Variants in NR5A1 observed in about 807,000 individuals in gnomAD.
The protein encoded by NR5A1 is nuclear receptor subfamily 5 group A member 1.
Under a neutral mutation model 42.7 loss-of-function variants are expected in NR5A1, and 6 were observed. The observed-to-expected ratio is 0.14, with a 90% CI of 0.08 to 0.28. The LOEUF (loss-of-function observed/expected upper bound fraction) is 0.28, where lower values mean the gene tolerates loss of function less well. NR5A1 is among the 10% of genes least tolerant of loss of function. The pLI is 1.00. For synonymous variants in NR5A1, 274 were observed against 277.5 expected (o/e 0.99, Z 0.12); for missense variants, 442 against 626.4 (o/e 0.71, Z 3.14).
Position 124,501,016 on chromosome 9 carries a change from C to CTT in NR5A1, c.245-303_245-302dup. On this transcript the variant is annotated intron_variant, in intron 3 of 6. Transcript: ENST00000373588. The surrounding 1 kb of genome is among the most constrained non-coding windows in gnomAD (Gnocchi z 4.1). ...CCTTTCATTTTCCTTCTGACTCAAA[C>CTT]TTTTTTTTTTCTCTTGTGCTTGCTG... The CTT allele has an allele frequency of 3.0e-6, 2 of 661,268 alleles. No homozygotes were observed. The highest frequency in any genetic ancestry group is 3.0e-5 in the East Asian group (1 of 32,836). The allele number at this position is 661,268 out of a possible 1,614,324, so 41.0% of individuals were successfully genotyped here. A position where few individuals can be genotyped will look rare whatever the true frequency, so the allele number is the denominator to read the frequency against.
chr9:124,489,221 T>G (rs1832266494), intron 6 of NR5A1, among the ~76,000 whole-genome samples: 1 of 152,228 alleles, frequency 6.6e-6, no homozygotes, highest in Non-Finnish European at 1.5e-5. Flanking sequence ...CAAAGGAGCC[T>G]GCTGGCTGAT....
chr9:124,484,824 G>T (rs2131270937), intron 6 of NR5A1, among the ~76,000 whole-genome samples: 1 of 152,250 alleles, frequency 6.6e-6, no homozygotes. Context: ...GAAGACAGGG[G>T]CAAACAGGAC....
intron 5 of NR5A1, 94 bp from the exon 6 acceptor site, chr9:124,491,322 T>C: frequency 2.0e-6 from 2 of 1,017,134 alleles, no homozygotes; most frequent in Non-Finnish European, 1.4e-6. Context: ...AGGGCATGGA[T>C]TGGAGGTGCA....
chr9:124,506,133 A>G (rs1317050901), intron 1 of NR5A1, among the ~76,000 whole-genome samples: 2 of 152,252 alleles, frequency 1.3e-5, no homozygotes, highest in Non-Finnish European at 2.9e-5. Context: ...AGTTGTGGCC[A>G]GAGAACCCCC....
At position 124,503,580 on chromosome 9, in the gene NR5A1, G is replaced by C. The variant is rs117220282; in HGVS notation, c.-15-170C>G. ...CCGCGCAGCGTCCCGGGGTGGGTCC[G>C]GTGCAGTCCCCGCGCCCGGCCTTCC... On this transcript the variant is annotated intron_variant, in intron 1 of 6. Coordinates refer to ENST00000373588, the MANE Select transcript of NR5A1 (RefSeq NM_004959.5). This position sits in a 1 kb window ranked among gnomAD's most constrained non-coding sequence, Gnocchi z 9.6. Among the ~76,000 whole-genome samples the C allele has an allele frequency of 0.02, 3,104 of 152,010 alleles. 72 individuals carry two copies. The highest frequency in any genetic ancestry group is 0.12 in the East Asian group (641 of 5,136).
rs376707580 is a variant in NR5A1, at chr9:124,493,096, G to A, written c.924C>T (p.Phe308=). The A allele has an allele frequency of 9.9e-5, 160 of 1,611,730 alleles. 2 individuals carry two copies. Among genetic ancestry groups the A allele is most frequent in the South Asian group, 7.2e-4 (65 of 90,848 alleles). ...GCTGGACCTGGCGGTAGATGTGGTC[G>A]AACACCAGCAGCTCGCTCCAGCAGT... ...LQNCWSELLV[F]DHIYRQVQHG... The change falls in exon 5 of 7, where the codon TTC becomes TTT. Residue 308 remains phenylalanine, a synonymous_variant. Transcript: ENST00000373588.
intron 4 of NR5A1, 29 bp from the exon 5 acceptor site, chr9:124,493,178 G>A (rs757235209): frequency 1.2e-6 from 2 of 1,602,664 alleles, no homozygotes; most frequent in Non-Finnish European, 1.7e-6. Context: ...CGGGGGGCCG[G>A]GCTCCAGCCA....
chr9:124,500,407 A>G lies in NR5A1; in HGVS notation c.553T>C (p.Tyr185His), dbSNP rs998601996. The change falls in exon 4 of 7, where the codon TAC (tyrosine) becomes CAC (histidine). Residue 185 changes from tyrosine to histidine, a missense_variant. Around this residue, in one of 3 missense-constraint regions of NR5A1, gnomAD observed 208 missense variants for 203.8 expected, o/e 1.02. Transcript: ENST00000373588. The surrounding 1 kb of genome is among the most constrained non-coding windows in gnomAD (Gnocchi z 6.9). ...ATGGCACGGCCAGGAAAGGCAGGGT[A>G]GAGGTAGCCAGCCAGTGGCCCGTGG... ...GAHGPLAGYL[Y>H]PAFPGRAIKS... 2 of 1,563,288 alleles carry G rather than the reference A, an allele frequency of 1.3e-6. No individual in the cohort carries two copies. Among genetic ancestry groups the G allele is most frequent in the Non-Finnish European group, 1.7e-6 (2 of 1,154,760 alleles).
intron 6 of NR5A1, among the ~76,000 whole-genome samples, chr9:124,489,991 A>C: frequency 6.7e-6 from 1 of 148,972 alleles, no homozygotes; most frequent in Admixed American, 6.7e-5. Flanking sequence ...CCCACTCCCC[A>C]CTCCTCCCTC....
chr9:124,494,758 G>C (rs1174356278), intron 4 of NR5A1, among the ~76,000 whole-genome samples: 2 of 152,146 alleles, frequency 1.3e-5, no homozygotes, highest in African/African-American at 4.8e-5. Flanking sequence ...GACTCAGAGA[G>C]ACCACTCCCC....
In NR5A1 at chr9:124,503,774, C is replaced by A. The variant is rs1297790408; in HGVS notation, c.-15-364G>T. Among the ~76,000 whole-genome samples, 3 of 152,230 alleles carry A rather than the reference C, an allele frequency of 2.0e-5. No homozygotes were observed. Among genetic ancestry groups the A allele is most frequent in the Non-Finnish European group, 4.4e-5 (3 of 68,038 alleles). On this transcript the variant is annotated intron_variant, in intron 1 of 6. Transcript: ENST00000373588. This position sits in a 1 kb window ranked among gnomAD's most constrained non-coding sequence, Gnocchi z 9.6. Reference sequence around the variant, plus strand: ...GATGGGCTCAGCCGCGGGGAAGACGCCAGGGGACCCAGGAGCGCTGGGGCG... The same window carrying A: ...GATGGGCTCAGCCGCGGGGAAGACGACAGGGGACCCAGGAGCGCTGGGGCG...
At position 124,500,698 on chromosome 9, in the gene NR5A1, T is replaced by C; in HGVS notation, c.262A>G (p.Met88Val). Reference protein sequence around the residue: ...MRLEAVRADRMRGGRNKFGPM... With the variant: ...MRLEAVRADRVRGGRNKFGPM... Reference sequence around the variant, plus strand: ...CCAAACTTGTTCCGGCCACCCCTCATACGGTCAGCGCGCACGGCTGTGGGC... The same window carrying C: ...CCAAACTTGTTCCGGCCACCCCTCACACGGTCAGCGCGCACGGCTGTGGGC... The change falls in exon 4 of 7, where the codon ATG becomes GTG. Residue 88 changes from methionine to valine, a missense_variant. Met to Val is a conservative substitution (Grantham distance 21). Around this residue, in one of 3 missense-constraint regions of NR5A1, gnomAD observed 71 missense variants for 156.8 expected, o/e 0.45. Transcript: ENST00000373588. The surrounding 1 kb of genome is among the most constrained non-coding windows in gnomAD (Gnocchi z 6.9). 1.2e-6 allele frequency: 2 copies of C among 1,612,966 alleles called. No individual in the cohort carries two copies. The highest frequency in any genetic ancestry group is 2.2e-5 in the East Asian group (1 of 44,882).
chr9:124,482,724 CG>C lies in NR5A1; in HGVS notation c.*33del. ...CCCGCCCAGGCCCCGCCCCCAGTCC[CG>C]CCCCCAGTCCCGGCCCCGCCCCCGG... On this transcript the variant is annotated 3_prime_UTR_variant, in exon 7 of 7. Coordinates refer to ENST00000373588, the MANE Select transcript of NR5A1 (RefSeq NM_004959.5). The C allele has an allele frequency of 1.4e-5, 18 of 1,293,048 alleles. No individual in the cohort carries two copies. Among genetic ancestry groups the C allele is most frequent in the South Asian group, 2.6e-5 (2 of 77,904 alleles). 80.1% of individuals were successfully genotyped at this position (1,293,048 alleles called of 1,614,324 possible).
rs1248225561 is a variant in NR5A1, at chr9:124,499,985, G to A, written c.870+105C>T. 5 of 1,556,912 alleles carry A rather than the reference G, an allele frequency of 3.2e-6. No individual in the cohort carries two copies. The African/African-American group carries it at 6.8e-5, about 21-fold the overall frequency. On this transcript the variant is annotated intron_variant, in intron 4 of 6. Transcript: ENST00000373588. ...GCCTCCGGGTCCCCAGGTACTGCCT[G>A]AAGCCAGTGGGAAGGATGGCCCTAT...
chr9:124,499,634 A>C (rs1832436285), intron 4 of NR5A1, among the ~76,000 whole-genome samples: 1 of 152,180 alleles, frequency 6.6e-6, no homozygotes, highest in African/African-American at 2.4e-5. Flanking sequence ...CCCCCTTCCC[A>C]ACACTAGGCT....
chr9:124,486,744 G>A (rs1832216420), intron 6 of NR5A1, among the ~76,000 whole-genome samples: 1 of 152,184 alleles, frequency 6.6e-6, no homozygotes, highest in African/African-American at 2.4e-5. Flanking sequence ...AGATTCCAGC[G>A]GATAACACAT....
In NR5A1 at chr9:124,496,184, G is replaced by GCA. The variant is rs59598562; in HGVS notation, c.871-3037_871-3036dup. 0.071 allele frequency among the ~76,000 whole-genome samples: 10,509 copies of GCA among 148,098 alleles called. 921 individuals carry two copies. Among genetic ancestry groups the GCA allele is most frequent in the African/African-American group, 0.21 (8,495 of 40,494 alleles). ...ACACTCCCCACACAGATGAGAATGCGCACACACACACACACACACACACAA... is the reference window on the plus strand; with the variant it reads ...ACACTCCCCACACAGATGAGAATGCGCACACACACACACACACACACACACAA... On this transcript the variant is annotated intron_variant, in intron 4 of 6. Coordinates refer to ENST00000373588, the MANE Select transcript of NR5A1 (RefSeq NM_004959.5). This position sits in a 1 kb window ranked among gnomAD's most constrained non-coding sequence, Gnocchi z 5.0.
rs984316735 is a variant in NR5A1 at position 124,501,878 on chromosome 9, C to T, written c.245-1163G>A. The stretch of plus-strand genomic sequence containing the variant: ...CCTGTTCAGCACACAGTCCAGTGAC[C>T]GGCCACCTCCAGAAGCTCAAATCTT... On this transcript the variant is annotated intron_variant, in intron 3 of 6. Coordinates refer to ENST00000373588, the MANE Select transcript of NR5A1 (RefSeq NM_004959.5). The surrounding 1 kb of genome is among the most constrained non-coding windows in gnomAD (Gnocchi z 4.1). Among the ~76,000 whole-genome samples the T allele has an allele frequency of 5.9e-5, 9 of 152,196 alleles. No individual in the cohort carries two copies. The highest frequency in any genetic ancestry group is 8.8e-5 in the Non-Finnish European group (6 of 68,042).
intron 6 of NR5A1, among the ~76,000 whole-genome samples, chr9:124,488,191 A>G (rs548862293): frequency 2.8e-4 from 42 of 151,774 alleles, no homozygotes; most frequent in African/African-American, 9.9e-4. Context: ...GGCCCAGCTC[A>G]GAGCCCCCAC....
Sources: allele counts gnomAD v4.1 joint callset (sites outside exome capture counted in the v4.1 genomes callset), GRCh38; gene constraint gnomAD v4.1.1; regional missense constraint gnomAD v4.1.1; non-coding constraint Gnocchi (gnomAD v3.1); transcripts MANE v1.5; gene names NCBI Gene and HGNC (gene_info 2026-07-23, HGNC 2026-07-21).